The following SQOR variants were observed in gnomAD, a reference collection of about 807,000 sequenced individuals.
SQOR encodes the protein sulfide quinone oxidoreductase, also known as sulfide:quinone oxidoreductase, mitochondrial.
A neutral mutation model predicts 48.6 loss-of-function variants in SQOR; 39 were observed. That is an observed-to-expected ratio of 0.80 (90% CI 0.62 to 1.05). The LOEUF (loss-of-function observed/expected upper bound fraction) is 1.05, where lower values mean the gene tolerates loss of function less well. Ranked by LOEUF, SQOR falls within the 50% of genes least tolerant of loss-of-function variation. SQOR has a pLI of 0.00. For synonymous variants in SQOR, 220 were observed against 206.2 expected (o/e 1.07, Z -0.57); for missense variants, 561 against 559.9 (o/e 1.00, Z -0.02).
chr15:45,670,752 G>T (rs999762370), intron 4 of SQOR, among the ~76,000 whole-genome samples: 9 of 152,198 alleles, frequency 5.9e-5, no homozygotes, highest in Non-Finnish European at 1.2e-4. Flanking sequence ...ATGTCCAGGG[G>T]AAGGGTAGTG....
intron 9 of SQOR, 89 bp from the exon 10 acceptor site, chr15:45,690,884 G>C (rs1204663527): frequency 9.9e-6 from 11 of 1,112,468 alleles, no homozygotes; most frequent in South Asian, 8.7e-5. Flanking sequence ...TGCTCTGTGA[G>C]CAGCCTGGCT....
chr15:45,654,227 T>C (rs951007224), intron 1 of SQOR, among the ~76,000 whole-genome samples: 1 of 151,996 alleles, frequency 6.6e-6, no homozygotes, highest in South Asian at 2.1e-4. Flanking sequence ...ATAGGCAGGG[T>C]TGGATTATGG....
intron 7 of SQOR, among the ~76,000 whole-genome samples, chr15:45,684,104 G>A (rs952572496): frequency 1.3e-5 from 2 of 152,074 alleles, no homozygotes; most frequent in African/African-American, 4.8e-5. Flanking sequence ...GTAGAGATGG[G>A]GTTTCACCAT....
intron 1 of SQOR, among the ~76,000 whole-genome samples, chr15:45,652,481 C>G (rs189587140): frequency 7.2e-5 from 11 of 152,016 alleles, no homozygotes; most frequent in African/African-American, 2.4e-4. Flanking sequence ...ATTACATGCA[C>G]GGGGTACCAC....
intron 1 of SQOR, among the ~76,000 whole-genome samples, chr15:45,654,913 C>T (rs977026464): frequency 6.6e-6 from 1 of 152,142 alleles, no homozygotes; most frequent in African/African-American, 2.4e-5. Flanking sequence ...TCCCCACCCT[C>T]ATCTTATTAT....
chr15:45,653,308 T>C (rs1889530740), intron 1 of SQOR, among the ~76,000 whole-genome samples: 1 of 152,166 alleles, frequency 6.6e-6, no homozygotes, highest in African/African-American at 2.4e-5. Context: ...TCTAGCTGAC[T>C]ACAAATCCCA....
chr15:45,662,814 G>C (rs1315996174), intron 3 of SQOR, among the ~76,000 whole-genome samples: 2 of 152,176 alleles, frequency 1.3e-5, no homozygotes, highest in African/African-American at 4.8e-5. Context: ...CCCAGGGCAG[G>C]GGCAGGCAGT....
upstream of SQOR, among the ~76,000 whole-genome samples, chr15:45,632,495 C>T (rs2733245): frequency 8.8e-3 from 1,334 of 152,050 alleles, 17 homozygotes; most frequent in African/African-American, 0.03. Flanking sequence ...GCTAGGATTA[C>T]AGGCACGAGC....
chr15:45,686,422 G>A (rs935057904), intron 7 of SQOR, among the ~76,000 whole-genome samples: 14 of 152,224 alleles, frequency 9.2e-5, no homozygotes, highest in African/African-American at 3.4e-4. Flanking sequence ...AAAGTGCTGG[G>A]ATTACAGGCG....
chr15:45,638,301 T>C (rs1895042621), intron 1 of SQOR, among the ~76,000 whole-genome samples: 1 of 152,184 alleles, frequency 6.6e-6, no homozygotes, highest in Non-Finnish European at 1.5e-5. Flanking sequence ...TATTAGGAGA[T>C]AGTGCCTTAG....
At chr15:45,653,847 G>A (rs907417346) in intron 1 of SQOR, among the ~76,000 whole-genome samples, 9 of 152,170 alleles carry the variant, frequency 5.9e-5, no homozygotes, top group South Asian at 2.1e-4. Context: ...GTTTAAAAGT[G>A]GCATTTAGGC....
intron 6 of SQOR, among the ~76,000 whole-genome samples, chr15:45,681,254 T>A (rs183923643): frequency 5.5e-4 from 84 of 152,310 alleles, no homozygotes; most frequent in Non-Finnish European, 9.0e-4. Context: ...AATAATTTAG[T>A]AGATGATAGC....
intron 6 of SQOR, among the ~76,000 whole-genome samples, chr15:45,676,779 G>T (rs1479723515): frequency 6.6e-6 from 1 of 152,172 alleles, no homozygotes; most frequent in Non-Finnish European, 1.5e-5. Flanking sequence ...GGTGGCTCAC[G>T]CCTGTAATCC....
intron 8 of SQOR, 101 bp downstream of exon 8, chr15:45,688,505 T>C (rs1890263524): frequency 1.1e-6 from 1 of 906,882 alleles, no homozygotes; most frequent in Non-Finnish European, 1.6e-6. Flanking sequence ...TTTTCTTTTT[T>C]TCTGTTTTTC....
chr15:45,676,792 G>T (rs1029168460), intron 6 of SQOR, among the ~76,000 whole-genome samples: 2 of 152,206 alleles, frequency 1.3e-5, no homozygotes, highest in Non-Finnish European at 2.9e-5. Flanking sequence ...TGTAATCCCA[G>T]CACTTTGGAA....
chr15:45,675,252 G>C (rs1017161011), intron 5 of SQOR, among the ~76,000 whole-genome samples: 1 of 152,094 alleles, frequency 6.6e-6, no homozygotes, highest in African/African-American at 2.4e-5. Flanking sequence ...TGGCCTACGA[G>C]GAAGGTTCGA....
upstream of SQOR, among the ~76,000 whole-genome samples, chr15:45,632,557 C>A (rs1298830094): frequency 1.3e-5 from 2 of 151,926 alleles, no homozygotes; most frequent in Non-Finnish European, 2.9e-5. Context: ...GGTTCCACAG[C>A]CATCAATCTC....
intron 1 of SQOR, among the ~76,000 whole-genome samples, chr15:45,645,498 A>G (rs72713201): frequency 0.1 from 15,211 of 152,228 alleles, 825 homozygotes; most frequent in Middle Eastern, 0.25. Flanking sequence ...GTCTTCCCCA[A>G]TGTGGGTTGG....
At chr15:45,685,829 T>C (rs1160849126) in intron 7 of SQOR, among the ~76,000 whole-genome samples, 1 of 152,118 alleles carries the variant, frequency 6.6e-6, no homozygotes, top group African/African-American at 2.4e-5. Context: ...ACAGTGAATA[T>C]AGCCATTTAA....
Sources: gnomAD v4.1 joint callset for allele counts (sites outside exome capture counted in the v4.1 genomes callset) on GRCh38, gnomAD v4.1.1 for gene constraint, MANE v1.5 for transcripts, NCBI Gene and HGNC (gene_info 2026-07-23, HGNC 2026-07-21) for gene names.